TUSC3: variants seen among roughly 807,000 people sequenced by gnomAD.
TUSC3 encodes the protein dolichyl-diphosphooligosaccharide--protein glycosyltransferase subunit TUSC3.
TUSC3 carries 45 observed loss-of-function variants against 44.8 expected under a neutral mutation model. The ratio of observed to expected loss-of-function variants is 1.00; its 90% CI spans 0.79 to 1.29. The LOEUF is 1.29. TUSC3 is among the 50% of genes most tolerant of loss of function. The pLI is 0.00. For synonymous variants in TUSC3, 212 were observed against 152.9 expected (o/e 1.39, Z -2.85); for missense variants, 519 against 437.9 (o/e 1.19, Z -1.65).
At chr8:15,531,614 T>A (rs936469765) in intron 2 of TUSC3, among the ~76,000 whole-genome samples, 2 of 152,222 alleles carry the variant, frequency 1.3e-5, no homozygotes, top group South Asian at 2.1e-4. Flanking sequence ...TCTTCTGCCT[T>A]ATGCCCCTCA....
chr8:15,430,365 C>G (rs1279427159), intron 1 of TUSC3, among the ~76,000 whole-genome samples: 1 of 150,416 alleles, frequency 6.6e-6, no homozygotes, highest in Non-Finnish European at 1.5e-5. Flanking sequence ...TAAACAGAAC[C>G]AAAGACAAAA....
the TUSC3 span, among the ~76,000 whole-genome samples, chr8:15,818,262 G>T: frequency 6.6e-6 from 1 of 152,138 alleles, no homozygotes; most frequent in African/African-American, 2.4e-5. Flanking sequence ...TGGAGAGAGC[G>T]TGTATTCAGA....
intron 6 of TUSC3, among the ~76,000 whole-genome samples, chr8:15,678,542 A>G (rs1204419997): frequency 1.3e-5 from 2 of 152,234 alleles, no homozygotes; most frequent in Non-Finnish European, 2.9e-5. Context: ...AGCCAATATC[A>G]TATGTCTTGT....
In TUSC3 at chr8:15,533,250, G is replaced by A. The variant is rs535289274; in HGVS notation, n.189+49767G>A. Among the ~76,000 whole-genome samples, 21 of 152,118 alleles carry A rather than the reference G, an allele frequency of 1.4e-4. No individual in the cohort carries two copies. In the East Asian group the frequency reaches 1.5e-3, roughly 11 times the overall value. The stretch of plus-strand genomic sequence containing the variant: ...GTCCATTAAACCTCTTTTTCTTCCC[G>A]GTCTTGGGTATATCTTTATCAGCAG... On this transcript the variant is annotated intron_variant and non_coding_transcript_variant, in intron 2 of 5. Coordinates refer to the TUSC3 transcript ENST00000503191.
intron 1 of TUSC3, among the ~76,000 whole-genome samples, chr8:15,567,715 A>G (rs975153729): frequency 1.3e-5 from 2 of 152,200 alleles, no homozygotes; most frequent in Non-Finnish European, 1.5e-5. Context: ...GGATGTCTAC[A>G]TAGGGACAAC....
At chr8:15,832,548 G>T in the TUSC3 span, among the ~76,000 whole-genome samples, 1 of 152,120 alleles carries the variant, frequency 6.6e-6, no homozygotes. Flanking sequence ...CATCTCACAT[G>T]CAATGACACC....
At chr8:15,850,434 T>C in the TUSC3 span, among the ~76,000 whole-genome samples, 1 of 152,204 alleles carries the variant, frequency 6.6e-6, no homozygotes, top group Non-Finnish European at 1.5e-5. Context: ...CTGACATTTA[T>C]ATAATTATTT....
chr8:15,750,238 C>G (rs935761160), intron 9 of TUSC3, among the ~76,000 whole-genome samples: 6 of 152,156 alleles, frequency 3.9e-5, no homozygotes, highest in Admixed American at 1.3e-4. Flanking sequence ...CTCGGCCTCC[C>G]AAAGTGCTGG....
chr8:15,649,588 G>GAAA (rs35737672), intron 2 of TUSC3, among the ~76,000 whole-genome samples: 2 of 127,464 alleles, frequency 1.6e-5, no homozygotes, highest in East Asian at 2.3e-4. Flanking sequence ...CGTCTCAAAA[G>GAAA]AAAAAAAAAA....
chr8:15,713,640 A>T (rs1046186624), intron 6 of TUSC3, among the ~76,000 whole-genome samples: 5 of 151,998 alleles, frequency 3.3e-5, no homozygotes, highest in Non-Finnish European at 7.4e-5. Flanking sequence ...TGGATTGTAG[A>T]TGGCTGCCTT....
At chr8:15,820,572 C>G in the TUSC3 span, among the ~76,000 whole-genome samples, 3 of 152,144 alleles carry the variant, frequency 2.0e-5, no homozygotes, top group Non-Finnish European at 4.4e-5. Context: ...CCCACCTCAG[C>G]CTCCCAACGT....
intron 6 of TUSC3, among the ~76,000 whole-genome samples, chr8:15,701,972 A>C (rs1236771494): frequency 2.0e-5 from 3 of 152,154 alleles, no homozygotes; most frequent in Admixed American, 6.5e-5. Context: ...AGTCATGTTG[A>C]CACAGATGGT....
At chr8:15,467,688 C>A (rs368280010) in intron 1 of TUSC3, among the ~76,000 whole-genome samples, 1 of 152,124 alleles carries the variant, frequency 6.6e-6, no homozygotes, top group Non-Finnish European at 1.5e-5. Context: ...GACTTTTTGC[C>A]TTTGAATGTA....
chr8:15,437,486 G>C (rs7831821), intron 1 of TUSC3, among the ~76,000 whole-genome samples: 24,731 of 152,028 alleles, frequency 0.16, 2,088 homozygotes, highest in Middle Eastern at 0.22. Flanking sequence ...TTAATATTTG[G>C]TTTGAATTTG....
At chr8:15,753,520 A>C (rs1406314967) in intron 9 of TUSC3, among the ~76,000 whole-genome samples, 1 of 152,132 alleles carries the variant, frequency 6.6e-6, no homozygotes, top group Non-Finnish European at 1.5e-5. Flanking sequence ...ATTATGAACA[A>C]AAAACCAGTT....
intron 6 of TUSC3, among the ~76,000 whole-genome samples, chr8:15,715,703 A>G (rs1810029498): frequency 6.6e-6 from 1 of 152,158 alleles, no homozygotes; most frequent in Non-Finnish European, 1.5e-5. Flanking sequence ...AAAACAGAAA[A>G]AAAAAAATTA....
At position 15,421,825 on chromosome 8, in the gene TUSC3, C is replaced by A. The variant is rs554986274; in HGVS notation, n.91+4520C>A. Among the ~76,000 whole-genome samples, 3 of 152,240 alleles carry A rather than the reference C, an allele frequency of 2.0e-5. No homozygotes were observed. In the East Asian group the frequency reaches 5.8e-4, roughly 29 times the overall value. ...TGGTATAGGATGACACGTGCCTAGT[C>A]ATGTTGTAAAAAAATTCAATTTAAA... On this transcript the variant is annotated intron_variant and non_coding_transcript_variant, in intron 1 of 5. Coordinates refer to the TUSC3 transcript ENST00000503191.
chr8:15,770,840 GAA>G (rs1812429701), downstream of TUSC3, among the ~76,000 whole-genome samples: 1 of 152,072 alleles, frequency 6.6e-6, no homozygotes, highest in Non-Finnish European at 1.5e-5. Flanking sequence ...GGAAAGGACA[GAA>G]AAGAGTACCC....
chr8:15,683,206 T>C (rs1437007103), intron 6 of TUSC3, among the ~76,000 whole-genome samples: 1 of 152,212 alleles, frequency 6.6e-6, no homozygotes. Flanking sequence ...TCTAGCGAGA[T>C]TGGGAAAATA....
Sources: gnomAD v4.1 joint callset for allele counts (sites outside exome capture counted in the v4.1 genomes callset) on GRCh38, gnomAD v4.1.1 for gene constraint, MANE v1.5 for transcripts, NCBI Gene and HGNC (gene_info 2026-07-23, HGNC 2026-07-21) for gene names.